Variants in RPTOR observed in about 807,000 individuals in gnomAD.
RPTOR encodes regulatory associated protein of MTOR complex 1.
A neutral mutation model predicts 169.9 loss-of-function variants in RPTOR; 21 were observed. The ratio of observed to expected loss-of-function variants is 0.12; its 90% CI spans 0.09 to 0.18. The LOEUF is 0.18. Ranked by LOEUF, RPTOR falls within the 10% of genes least tolerant of loss-of-function variation. RPTOR has a pLI of 1.00. For synonymous variants in RPTOR, 732 were observed against 753.2 expected, an observed-to-expected ratio of 0.97 and a Z score of 0.46; for missense variants, 1,133 against 1,855.9, an observed-to-expected ratio of 0.61 and a Z score of 7.16.
rs139520503 is a variant in RPTOR at position 80,582,167 on chromosome 17, A to G, written c.162+36376A>G. On this transcript the variant is annotated intron_variant, in intron 1 of 33. Coordinates refer to ENST00000306801, the MANE Select transcript of RPTOR (RefSeq NM_020761.3). The stretch of plus-strand genomic sequence containing the variant: ...CCTCTCAGGATGTCACGGGATTTCT[A>G]TGTTGCTGGAAAGATGCTTGTGGTG... Among the ~76,000 whole-genome samples, 424 of 152,258 alleles carry G rather than the reference A, an allele frequency of 2.8e-3. 1 individual carries two copies. The highest frequency in any genetic ancestry group is 9.5e-3 in the African/African-American group (396 of 41,542).
At chr17:80,871,951 G>A (rs368688560) in intron 13 of RPTOR, among the ~76,000 whole-genome samples, 1 of 152,024 alleles carries the variant, frequency 6.6e-6, no homozygotes, top group Non-Finnish European at 1.5e-5. Context: ...AGTCAGGAAC[G>A]CGCCTGTGCC....
chr17:80,698,819 C>T (rs770726520), intron 3 of RPTOR, among the ~76,000 whole-genome samples: 29 of 152,340 alleles, frequency 1.9e-4, no homozygotes, highest in South Asian at 4.1e-4. Flanking sequence ...AAGGCTGTCC[C>T]GGCCCTCACC....
chr17:80,831,757 C>T (rs2067506376), intron 9 of RPTOR, among the ~76,000 whole-genome samples: 4 of 152,096 alleles, frequency 2.6e-5, no homozygotes, highest in Admixed American at 2.6e-4. Context: ...CTGTGTATCA[C>T]TATGTATCCC....
intron 1 of RPTOR, among the ~76,000 whole-genome samples, chr17:80,564,164 G>A (rs750009940): frequency 1.3e-5 from 2 of 151,764 alleles, no homozygotes; most frequent in Non-Finnish European, 2.9e-5. Context: ...CCGAGTTCAC[G>A]TCATTCTCCT....
intron 7 of RPTOR, chr17:80,802,205 G>GTCA (rs2067167145): frequency 1.3e-5 from 2 of 152,254 alleles, no homozygotes; most frequent in Non-Finnish European, 2.9e-5. Context: ...CCTGGTATTT[G>GTCA]TCATCAAAAC....
rs538548508 is a variant in RPTOR, at chr17:80,879,698, G to A, written c.1510-717G>A. On this transcript the variant is annotated intron_variant, in intron 13 of 33. Transcript: ENST00000306801. Reference sequence around the variant, plus strand: ...CCCAGTAGGCCCTCACGACTGTGCCGAGCCATGGCCGTGTGGCTGTGATTG... The same window carrying A: ...CCCAGTAGGCCCTCACGACTGTGCCAAGCCATGGCCGTGTGGCTGTGATTG... 7.2e-5 allele frequency among the ~76,000 whole-genome samples: 11 copies of A among 152,298 alleles called. 1 individual carries two copies. In the South Asian group the frequency reaches 1.9e-3, roughly 26 times the overall value.
At chr17:80,917,093 T>C (rs1403742042) in intron 21 of RPTOR, among the ~76,000 whole-genome samples, 1 of 151,456 alleles carries the variant, frequency 6.6e-6, no homozygotes, top group African/African-American at 2.4e-5. Flanking sequence ...TTTCGTAGCA[T>C]GAGTTACTTA....
At chr17:80,815,641 C>G (rs1000446131) in intron 7 of RPTOR, among the ~76,000 whole-genome samples, 1 of 152,242 alleles carries the variant, frequency 6.6e-6, no homozygotes, top group Non-Finnish European at 1.5e-5. Flanking sequence ...TCAAGGAAAA[C>G]AAGTCATTAT....
chr17:80,895,691 C>T lies in RPTOR; in HGVS notation c.2401+1826C>T, dbSNP rs551001420. 2.0e-5 allele frequency among the ~76,000 whole-genome samples: 3 copies of T among 152,346 alleles called. No homozygotes were observed. In the East Asian group the frequency reaches 5.8e-4, roughly 29 times the overall value. On this transcript the variant is annotated intron_variant, in intron 20 of 33. Transcript: ENST00000306801. ...CTGCACCTTCAGCTTTTGTAGATGT[C>T]GCCCCAGGCCTTCCACGGGATCCTC...
chr17:80,641,774 G>A (rs2065556280), intron 2 of RPTOR, among the ~76,000 whole-genome samples: 1 of 152,214 alleles, frequency 6.6e-6, no homozygotes. Flanking sequence ...GGCTGACGGA[G>A]GGTCCTGCCT....
Position 80,873,591 on chromosome 17 carries a change from C to T in RPTOR, c.1510-6824C>T, listed in dbSNP as rs527824159. On this transcript the variant is annotated intron_variant, in intron 13 of 33. Coordinates refer to ENST00000306801, the MANE Select transcript of RPTOR (RefSeq NM_020761.3). ...AGAAGCCTTTGCAGAGGCTGTTGCCCGGGGACAGGGCCCCAGGCGGAGAGG... is the reference window on the plus strand; with the variant it reads ...AGAAGCCTTTGCAGAGGCTGTTGCCTGGGGACAGGGCCCCAGGCGGAGAGG... 9.2e-3 allele frequency among the ~76,000 whole-genome samples: 1,396 copies of T among 152,262 alleles called. 19 individuals are homozygous for T. The highest frequency in any genetic ancestry group is 0.011 in the Non-Finnish European group (766 of 68,022).
At chr17:80,817,982 G>T (rs760449450) in intron 7 of RPTOR, among the ~76,000 whole-genome samples, 1 of 152,176 alleles carries the variant, frequency 6.6e-6, no homozygotes, top group African/African-American at 2.4e-5. Context: ...GCAAGAAACC[G>T]CATGCCACAG....
At chr17:80,745,252 A>G (rs2066560883) in intron 5 of RPTOR, among the ~76,000 whole-genome samples, 1 of 152,220 alleles carries the variant, frequency 6.6e-6, no homozygotes. Flanking sequence ...TGGGTTGCTA[A>G]TAGCTAAATG....
intron 3 of RPTOR, among the ~76,000 whole-genome samples, chr17:80,654,438 C>T (rs1342025582): frequency 1.3e-5 from 2 of 152,250 alleles, no homozygotes; most frequent in Non-Finnish European, 1.5e-5. Context: ...AGAGGCCGAT[C>T]AGCTCCGCTT....
intron 2 of RPTOR, among the ~76,000 whole-genome samples, chr17:80,630,766 CA>C (rs1351469172): frequency 2.6e-5 from 4 of 152,198 alleles, no homozygotes; most frequent in Non-Finnish European, 5.9e-5. Context: ...ACAGGCAGGC[CA>C]GGGGGTTTTC....
chr17:80,777,231 C>T (rs1180464280), intron 6 of RPTOR, among the ~76,000 whole-genome samples: 4 of 146,602 alleles, frequency 2.7e-5, no homozygotes, highest in Non-Finnish European at 6.0e-5. Flanking sequence ...GAGCAAGACC[C>T]TCTCAAAAAA....
intron 2 of RPTOR, among the ~76,000 whole-genome samples, chr17:80,626,780 ATT>A: frequency 2.4e-5 from 1 of 41,090 alleles, no homozygotes; most frequent in East Asian, 7.9e-4. Flanking sequence ...TCTAGGAATT[ATT>A]ATTATTATTA....
At chr17:80,876,044 C>G (rs1316361519) in intron 13 of RPTOR, among the ~76,000 whole-genome samples, 1 of 88,142 alleles carries the variant, frequency 1.1e-5, no homozygotes, top group Non-Finnish European at 2.3e-5. Flanking sequence ...GTGTGTGTCA[C>G]CTGCTGGGTC....
chr17:80,694,475 G>A (rs1247312136), intron 3 of RPTOR, among the ~76,000 whole-genome samples: 7 of 152,240 alleles, frequency 4.6e-5, no homozygotes, highest in Non-Finnish European at 7.3e-5. Flanking sequence ...ATGTGGGGCC[G>A]TGGTGCTGAA....
Sources: allele counts gnomAD v4.1 joint callset (sites outside exome capture counted in the v4.1 genomes callset), GRCh38; gene constraint gnomAD v4.1.1; transcripts MANE v1.5; gene names NCBI Gene and HGNC (gene_info 2026-07-23, HGNC 2026-07-21).